USP7: variants seen among roughly 807,000 people sequenced by gnomAD.
USP7 encodes ubiquitin specific peptidase 7.
In USP7, 9 loss-of-function variants were observed where a neutral mutation model predicts 162.9. The ratio of observed to expected loss-of-function variants is 0.06; its 90% CI spans 0.03 to 0.10. The LOEUF (loss-of-function observed/expected upper bound fraction) is 0.10. USP7 is among the 10% of genes least tolerant of loss of function. The pLI is 1.00. For missense variants in USP7, 715 were observed against 1,373.7 expected (o/e 0.52, Z 7.58); for synonymous variants, 562 against 475.9 (o/e 1.18, Z -2.35).
intron 1 of USP7, among the ~76,000 whole-genome samples, chr16:8,939,003 C>T (rs1212093571): frequency 6.6e-6 from 1 of 152,042 alleles, no homozygotes; most frequent in African/African-American, 2.4e-5. Flanking sequence ...GGGAGAGATC[C>T]CATACCCTTT....
chr16:8,893,694 A>G lies in USP7; in HGVS notation c.*304T>C. ...CACTAGGGACAGCCCAGAGACCTTG[A>G]GCCAGGGACCCCCGATCCACTAACC... On this transcript the variant is annotated 3_prime_UTR_variant, in exon 31 of 31. Coordinates refer to ENST00000344836, the MANE Select transcript of USP7 (RefSeq NM_003470.3). 1 of 336,446 alleles carries G rather than the reference A, an allele frequency of 3.0e-6. No homozygotes were observed. Among genetic ancestry groups the G allele is most frequent in the South Asian group, 3.0e-5 (1 of 33,710 alleles). 20.8% of individuals were successfully genotyped at this position (336,446 alleles called of 1,614,324 possible).
intron 1 of USP7, among the ~76,000 whole-genome samples, chr16:8,951,093 T>C (rs749516000): frequency 6.6e-6 from 1 of 152,210 alleles, no homozygotes; most frequent in Admixed American, 6.5e-5. Flanking sequence ...TATTTCTACT[T>C]TCTTCGATCA....
intron 3 of USP7, among the ~76,000 whole-genome samples, chr16:8,921,732 G>A (rs1032541398): frequency 4.6e-5 from 7 of 152,152 alleles, no homozygotes; most frequent in African/African-American, 1.7e-4. Context: ...CTTAGAGCTT[G>A]CTGTCCTGCC....
intron 14 of USP7, among the ~76,000 whole-genome samples, 160 bp from the exon 15 acceptor site, chr16:8,904,725 G>C (rs144278404): frequency 2.0e-5 from 3 of 151,682 alleles, no homozygotes; most frequent in Non-Finnish European, 4.4e-5. Flanking sequence ...GGCCGATCAC[G>C]AGGTCAGGAA....
At chr16:8,908,302 G>A (rs1157860804) in intron 12 of USP7, 39 bp downstream of exon 12, 1 of 1,511,540 alleles carries the variant, frequency 6.6e-7, no homozygotes, top group South Asian at 1.1e-5. Flanking sequence ...AGACCAGCAT[G>A]ATGATGAAAT....
At chr16:8,895,480 T>C (rs1054791119) in intron 27 of USP7, among the ~76,000 whole-genome samples, 162 bp downstream of exon 27, 2 of 152,208 alleles carry the variant, frequency 1.3e-5, no homozygotes, top group Non-Finnish European at 2.9e-5. Context: ...AGGACTAATT[T>C]CTGTGCAAAA....
At chr16:8,935,712 T>G (rs566133523) in intron 1 of USP7, 1 of 152,304 alleles carries the variant, frequency 6.6e-6, no homozygotes, top group East Asian at 1.9e-4. Flanking sequence ...GCTAGGCCTT[T>G]TAACGCAATA....
intron 27 of USP7, 142 bp from the exon 28 acceptor site, chr16:8,895,292 G>T (rs962299276): frequency 7.6e-6 from 10 of 1,314,024 alleles, no homozygotes; most frequent in Admixed American, 4.2e-5. Context: ...TCCAGCCAGA[G>T]TGATGGGCAC....
chr16:8,949,305 C>G (rs1237388130), intron 1 of USP7, among the ~76,000 whole-genome samples: 1 of 152,200 alleles, frequency 6.6e-6, no homozygotes, highest in South Asian at 2.1e-4. Context: ...GCACGTTCCA[C>G]TGGGATTGAA....
At position 8,963,742 on chromosome 16, in the gene USP7, C is replaced by A. The variant is rs1166146733; in HGVS notation, c.-457G>T. Among the ~76,000 whole-genome samples the A allele has an allele frequency of 1.4e-5, 2 of 143,468 alleles. No homozygotes were observed. The highest frequency in any genetic ancestry group is 6.9e-5 in the Admixed American group (1 of 14,540). 94.1% of individuals were successfully genotyped at this position (143,468 alleles called of 152,430 possible). A position where few individuals can be genotyped will look rare whatever the true frequency, so the allele number is the denominator to read the frequency against. On this transcript the variant is annotated 5_prime_UTR_variant, in exon 1 of 31. Coordinates refer to ENST00000344836, the MANE Select transcript of USP7 (RefSeq NM_003470.3). ...TGGCCGGCCGCGGCGGGCCTGCGGG[C>A]CCTGGGGCCGGCGGGAGCGGCGGAG...
At chr16:8,910,624 G>A (rs1175378397) in intron 11 of USP7, 121 bp downstream of exon 11, 1 of 838,606 alleles carries the variant, frequency 1.2e-6, no homozygotes, top group Non-Finnish European at 1.9e-6. Context: ...CAGAATCCTT[G>A]TATATTCTAA....
chr16:8,905,427 G>C (rs2061844617), intron 13 of USP7, 96 bp from the exon 14 acceptor site: 1 of 1,463,240 alleles, frequency 6.8e-7, no homozygotes, highest in South Asian at 1.2e-5. Context: ...TGAACTTCTA[G>C]GTATGCCCCT....
At chr16:8,896,826 G>C (rs765562437) in intron 26 of USP7, among the ~76,000 whole-genome samples, 173 bp downstream of exon 26, 2 of 152,108 alleles carry the variant, frequency 1.3e-5, no homozygotes, top group Non-Finnish European at 2.9e-5. Context: ...AGCAACACTG[G>C]GTCTGTGTTG....
chr16:8,963,360 G>T lies in USP7; in HGVS notation c.-75C>A. The T allele has an allele frequency of 2.0e-6, 1 of 497,232 alleles. No individual in the cohort carries two copies. Among genetic ancestry groups the T allele is most frequent in the Non-Finnish European group, 2.6e-6 (1 of 387,798 alleles). The allele number at this position is 497,232 out of a possible 1,614,324, so 30.8% of individuals were successfully genotyped here. ...CCCGGCGGGCGGGCGGCGGCGAGCC[G>T]GGGCGGCGGCGGCGGCGGCGGCGGC... On this transcript the variant is annotated 5_prime_UTR_variant, in exon 1 of 31. Transcript: ENST00000344836.
chr16:8,903,220 T>G lies in USP7; in HGVS notation c.1839+48A>C, dbSNP rs374719078. 2.5e-6 allele frequency: 4 copies of G among 1,583,578 alleles called. No individual in the cohort carries two copies. The African/African-American group carries it at 4.0e-5, about 16-fold the overall frequency. On this transcript the variant is annotated intron_variant, in intron 16 of 30. Coordinates refer to ENST00000344836, the MANE Select transcript of USP7 (RefSeq NM_003470.3). ...ATTTTCTAGTGACACGGAAGGAAGGTGGACGTTGGGAGCCACGGTGGGGTA... is the reference window on the plus strand; with the variant it reads ...ATTTTCTAGTGACACGGAAGGAAGGGGGACGTTGGGAGCCACGGTGGGGTA...
Position 8,923,301 on chromosome 16 carries a change from A to C in USP7, c.297T>G (p.Ile99Met). Residue 99 changes from isoleucine to methionine, a missense_variant, in exon 3 of 31, where the codon ATT (isoleucine) becomes ATG (methionine). By Grantham distance (10) the Ile-to-Met change is conservative (BLOSUM62 1). Coordinates refer to ENST00000344836, the MANE Select transcript of USP7 (RefSeq NM_003470.3). ...PCFVRNLPWK[I>M]MVMPRFYPDR... ...CTGGATAAAAGCGTGGCATCACCAT[A>C]ATCTTCCATGGCAGATTTCGCACAA... 6.5e-7 allele frequency: 1 copy of C among 1,534,318 alleles called. No homozygotes were observed. The highest frequency in any genetic ancestry group is 8.8e-7 in the Non-Finnish European group (1 of 1,140,432).
intron 1 of USP7, among the ~76,000 whole-genome samples, chr16:8,953,446 G>C (rs775368603): frequency 6.6e-6 from 1 of 152,146 alleles, no homozygotes; most frequent in Non-Finnish European, 1.5e-5. Flanking sequence ...TAAAGTCTGA[G>C]GTACGATCCA....
chr16:8,920,937 C>A (rs191843665), intron 4 of USP7, among the ~76,000 whole-genome samples: 1 of 152,332 alleles, frequency 6.6e-6, no homozygotes, highest in East Asian at 1.9e-4. Flanking sequence ...CCACTGGGAA[C>A]TCCCTTTGAA....
intron 1 of USP7, among the ~76,000 whole-genome samples, chr16:8,948,436 C>G (rs906908304): frequency 2.6e-5 from 4 of 152,188 alleles, no homozygotes; most frequent in Non-Finnish European, 4.4e-5. Flanking sequence ...CCACCGGCCT[C>G]GGCCTCCCAA....
Sources: allele counts gnomAD v4.1 joint callset (sites outside exome capture counted in the v4.1 genomes callset), GRCh38; gene constraint gnomAD v4.1.1; transcripts MANE v1.5; gene names NCBI Gene and HGNC (gene_info 2026-07-23, HGNC 2026-07-21).